The following CCN5 variants were observed in gnomAD, a reference collection of about 807,000 sequenced individuals.
The protein encoded by CCN5 is CCN family member 5.
CCN5 carries 17 observed loss-of-function variants against 18.7 expected under a neutral mutation model. The ratio of observed to expected loss-of-function variants is 0.91; its 90% CI spans 0.62 to 1.36. The LOEUF (loss-of-function observed/expected upper bound fraction) is 1.36. Among genes scored for constraint, CCN5 ranks in the 40% most tolerant of loss-of-function variants. The pLI is 0.00. For synonymous variants in CCN5, 135 were observed against 145.2 expected (o/e 0.93, Z 0.50); for missense variants, 367 against 342.9 (o/e 1.07, Z -0.56).
chr20:44,724,230 T>A (rs540983213), intron 2 of CCN5: 1 of 152,798 alleles, frequency 6.5e-6, no homozygotes, highest in African/African-American at 2.4e-5. Flanking sequence ...CTGACAGTGA[T>A]GACAGCACAA....
intron 2 of CCN5, chr20:44,724,402 C>T: frequency 2.7e-6 from 1 of 369,966 alleles, no homozygotes; most frequent in Non-Finnish European, 4.9e-6. Context: ...GTAGTCTCTA[C>T]CACCCTGGAA....
chr20:44,725,903 T>C (rs1292692735), intron 3 of CCN5, among the ~76,000 whole-genome samples: 1 of 152,130 alleles, frequency 6.6e-6, no homozygotes, highest in Non-Finnish European at 1.5e-5. Flanking sequence ...TGAATGTGAC[T>C]TTCTAAAAAA....
At position 44,719,847 on chromosome 20, in the gene CCN5, C is replaced by T. The variant is rs1185472698; in HGVS notation, c.61-50C>T. The T allele has an allele frequency of 3.8e-6, 6 of 1,570,484 alleles. No homozygotes were observed. The East Asian group carries it at 1.4e-4, about 36-fold the overall frequency. On this transcript the variant is annotated intron_variant, in intron 1 of 3. Transcript: ENST00000190983. ...GAGAAGTGGCTGGTTGTGAGGGTCT[C>T]ACTGCCCACCTCGAAAGCCCGTGGC...
rs768979363 is a variant in CCN5 at position 44,720,121 on chromosome 20, G to T, written c.277+8G>T. ...GGGGGGCCCTGTGCCTCTGTAAGCAGGTTTGCAGGACTGAGTGGGGGCGGG... is the reference window on the plus strand; with the variant it reads ...GGGGGGCCCTGTGCCTCTGTAAGCATGTTTGCAGGACTGAGTGGGGGCGGG... On this transcript the variant is annotated splice_region_variant and intron_variant, in intron 2 of 3. Transcript: ENST00000190983. The T allele has an allele frequency of 1.9e-6, 3 of 1,542,762 alleles. No individual in the cohort carries two copies. The South Asian group carries it at 3.5e-5, about 18-fold the overall frequency.
At chr20:44,718,884 AGGTCCCT>A in intron 1 of CCN5, among the ~76,000 whole-genome samples, 1 of 152,280 alleles carries the variant, frequency 6.6e-6, no homozygotes, top group South Asian at 2.1e-4. Context: ...TAAAGATTCC[AGGTCCCT>A]GACTCTGGGA....
At chr20:44,724,389 C>T (rs1331869533) in intron 2 of CCN5, 6 of 318,222 alleles carry the variant, frequency 1.9e-5, no homozygotes, top group East Asian at 7.7e-5. Flanking sequence ...CCTATCATTC[C>T]GAGTAGTCTC....
At chr20:44,715,288 C>CGCG, upstream of CCN5, 1 of 954,974 alleles carries the variant, frequency 1.0e-6, no homozygotes, top group African/African-American at 1.7e-5. Flanking sequence ...CGCGTGTGTA[C>CGCG]TCGTGCGTGT....
rs980262136 is a variant in CCN5, at chr20:44,727,495, A to G, written c.*188A>G. ...GTCTGTCTGGATCCCGAGGTATGGC[A>G]GAGGTGCAAGACCTAGTCCCCTTTC... On this transcript the variant is annotated 3_prime_UTR_variant, in exon 4 of 4. Coordinates refer to ENST00000190983, the MANE Select transcript of CCN5 (RefSeq NM_003881.4). The G allele has an allele frequency of 1.4e-6, 2 of 1,421,404 alleles. No homozygotes were observed. The highest frequency in any genetic ancestry group is 1.8e-6 in the Non-Finnish European group (2 of 1,083,606). 88.0% of individuals were successfully genotyped at this position (1,421,404 alleles called of 1,614,324 possible).
chr20:44,720,189 C>G, intron 2 of CCN5, 76 bp downstream of exon 2: 1 of 1,427,362 alleles, frequency 7.0e-7, no homozygotes, highest in Non-Finnish European at 9.5e-7. Context: ...GATCAAAGTG[C>G]AGCCCTCCTC....
chr20:44,723,294 C>T (rs2065912821), intron 2 of CCN5, among the ~76,000 whole-genome samples: 1 of 150,622 alleles, frequency 6.6e-6, no homozygotes, highest in Non-Finnish European at 1.5e-5. Context: ...CCAAGCCTGG[C>T]ACATAGCAGA....
At position 44,715,860 on chromosome 20, in the gene CCN5, C is replaced by T. The variant is rs140424103; in HGVS notation, c.60+410C>T. ...AGCCAGCATTTGGATGGATGCCTAG[C>T]TGATTGGAAGGTTCATTCTGCAAGG... On this transcript the variant is annotated intron_variant, in intron 1 of 3. Coordinates refer to ENST00000190983, the MANE Select transcript of CCN5 (RefSeq NM_003881.4). Among the ~76,000 whole-genome samples the T allele has an allele frequency of 7.2e-5, 11 of 152,300 alleles. No individual in the cohort carries two copies. In the East Asian group the frequency reaches 2.1e-3, roughly 29 times the overall value.
upstream of CCN5, chr20:44,714,999 A>G (rs1246256174): frequency 1.4e-5 from 3 of 221,950 alleles, no homozygotes; most frequent in South Asian, 1.9e-4. Flanking sequence ...CAGCAGGGCT[A>G]GGACCCTCTT....
intron 2 of CCN5, chr20:44,723,751 A>G (rs6094027): frequency 0.61 from 92,871 of 152,042 alleles, 28,590 homozygotes; most frequent in Middle Eastern, 0.67. Flanking sequence ...TGAGTCCCTC[A>G]AGGCAGGAAC....
rs2065891231 is a variant in CCN5 at position 44,720,405 on chromosome 20, C to A, written c.277+292C>A. On this transcript the variant is annotated intron_variant, in intron 2 of 3. Coordinates refer to ENST00000190983, the MANE Select transcript of CCN5 (RefSeq NM_003881.4). ...TTCAAACAGCTTCTCCCCTGAGAAG[C>A]CCCCCCAGATTCTTCAAACCAGATG... 6.5e-6 allele frequency: 3 copies of A among 462,914 alleles called. No homozygotes were observed. In the South Asian group the frequency reaches 8.8e-5, roughly 14 times the overall value. The allele number at this position is 462,914 out of a possible 1,614,324, so 28.7% of individuals were successfully genotyped here.
chr20:44,726,591 T>C (rs905361212), intron 3 of CCN5, among the ~76,000 whole-genome samples: 3 of 151,982 alleles, frequency 2.0e-5, no homozygotes, highest in Non-Finnish European at 4.4e-5. Context: ...ATTACCCTAG[T>C]TGAGGACTTC....
intron 1 of CCN5, chr20:44,716,828 G>A (rs2065862859): frequency 6.6e-6 from 1 of 152,218 alleles, no homozygotes; most frequent in African/African-American, 2.4e-5. Context: ...ATCAAGGACT[G>A]GCCAGAACCT....
Position 44,724,804 on chromosome 20 carries a change from CCCACTGCAGCAT to C in CCN5, c.347_358del (p.His116_Ile119del), listed in dbSNP as rs1013951112. On this transcript the variant is annotated inframe_deletion, in exon 3 of 4. Coordinates refer to ENST00000190983, the MANE Select transcript of CCN5 (RefSeq NM_003881.4). ...TATCGGGAAGGGGAGACCTTCCAGCCCCACTGCAGCATCCGCTGCCGCTGCGAGGACGGCGGC... is the reference window on the plus strand; with the variant it reads ...TATCGGGAAGGGGAGACCTTCCAGCCCCGCTGCCGCTGCGAGGACGGCGGC... 3.7e-5 allele frequency: 60 copies of C among 1,612,142 alleles called. No homozygotes were observed. The highest frequency in any genetic ancestry group is 4.7e-5 in the Non-Finnish European group (56 of 1,179,784).
chr20:44,724,977 C>T lies in CCN5; in HGVS notation c.517C>T (p.Pro173Ser). The T allele has an allele frequency of 6.3e-7, 1 of 1,584,504 alleles. No individual in the cohort carries two copies. Among genetic ancestry groups the T allele is most frequent in the Non-Finnish European group, 8.6e-7 (1 of 1,166,442 alleles). ...CGQGGGLGTQ[P>S]LPAQGPQFSG... Reference sequence around the variant, plus strand: ...CCAAGGAGGGGGACTGGGGACCCAGCCCCTTCCAGCCCAAGGTGAGCGCAG... The same window carrying T: ...CCAAGGAGGGGGACTGGGGACCCAGTCCCTTCCAGCCCAAGGTGAGCGCAG... The change falls in exon 3 of 4, where the codon CCC becomes TCC. Residue 173 changes from proline (P) to serine (S), a missense_variant. Transcript: ENST00000190983.
Position 44,719,971 on chromosome 20 carries a change from G to C in CCN5, c.135G>C (p.Leu45=). ...CCCGATGCCCGCTGGGAGTACCCCT[G>C]GTGCTGGATGGCTGTGGCTGCTGCC... ...PPPRCPLGVP[L]VLDGCGCCRV... The change falls in exon 2 of 4, where the codon CTG becomes CTC. Residue 45 remains leucine (L), a synonymous_variant. Transcript: ENST00000190983. 1 of 1,613,668 alleles carries C rather than the reference G, an allele frequency of 6.2e-7. No individual in the cohort carries two copies. Among genetic ancestry groups the C allele is most frequent in the Non-Finnish European group, 8.5e-7 (1 of 1,179,946 alleles).
Sources: gnomAD v4.1 joint callset for allele counts (sites outside exome capture counted in the v4.1 genomes callset) on GRCh38, gnomAD v4.1.1 for gene constraint, MANE v1.5 for transcripts, NCBI Gene and HGNC (gene_info 2026-07-23, HGNC 2026-07-21) for gene names.